IQSEC1: variants seen among roughly 807,000 people sequenced by gnomAD.
IQSEC1 encodes the protein IQ motif and SEC7 domain-containing protein 1.
Under a neutral mutation model 91.0 loss-of-function variants are expected in IQSEC1, and 31 were observed. The observed-to-expected ratio is 0.34, with a 90% CI of 0.26 to 0.46. The LOEUF (loss-of-function observed/expected upper bound fraction) is 0.46, where lower values mean the gene tolerates loss of function less well. IQSEC1 is among the 20% of genes least tolerant of loss of function. The pLI, the probability that IQSEC1 is intolerant of heterozygous loss-of-function variation, is 1.00. For missense variants in IQSEC1, 1,388 were observed against 1,575.6 expected (o/e 0.88, Z 2.02); for synonymous variants, 699 against 662.6 (o/e 1.05, Z -0.84).
Position 13,264,240 on chromosome 3 carries a change from C to G in IQSEC1, c.272+18471G>C, listed in dbSNP as rs1695444340. ...TTGTGTCTCCCGCCTGCCACACTGT[C>G]TGTCACAACTTCCCTCCAAACTTAA... On this transcript the variant is annotated intron_variant, in intron 1 of 15. Coordinates refer to the IQSEC1 transcript ENST00000648114. Among the ~76,000 whole-genome samples the G allele has an allele frequency of 2.0e-5, 3 of 152,336 alleles. 1 individual carries two copies. In the South Asian group the frequency reaches 6.2e-4, roughly 32 times the overall value.
Position 12,945,305 on chromosome 3 carries a change from G to A in IQSEC1, c.24-3440C>T, listed in dbSNP as rs556353652. On this transcript the variant is annotated intron_variant, in intron 1 of 13. Transcript: ENST00000613206. The stretch of plus-strand genomic sequence containing the variant: ...ACTCCTGGGTTCCTGGCTGCCCTGG[G>A]TCAGCAGGTCCAGAACATGCTTGGG... Among the ~76,000 whole-genome samples, 294 of 152,162 alleles carry A rather than the reference G, an allele frequency of 1.9e-3. 3 individuals carry two copies. The highest frequency in any genetic ancestry group is 6.8e-3 in the African/African-American group (281 of 41,528).
chr3:13,214,094 G>T lies in IQSEC1; in HGVS notation c.273-49961C>A, dbSNP rs768485348. On this transcript the variant is annotated intron_variant, in intron 1 of 15. Coordinates refer to the IQSEC1 transcript ENST00000648114. This position sits in a 1 kb window ranked among gnomAD's most constrained non-coding sequence, Gnocchi z 4.5. The stretch of plus-strand genomic sequence containing the variant: ...CTGTCCACTGTGCTCTGTCCACACG[G>T]CCCAGCCCCTCCTGGCCTTTGCTAT... 6.6e-6 allele frequency among the ~76,000 whole-genome samples: 1 copy of T among 152,088 alleles called. No homozygotes were observed. The highest frequency in any genetic ancestry group is 1.5e-5 in the Non-Finnish European group (1 of 68,012).
chr3:13,167,012 CGT>C (rs1693509855), intron 1 of IQSEC1, among the ~76,000 whole-genome samples: 1 of 152,160 alleles, frequency 6.6e-6, no homozygotes, highest in South Asian at 2.1e-4. Context: ...GATGCCTGTG[CGT>C]GTGTGCATGT....
At chr3:12,931,507 G>C (rs1251578479) in intron 3 of IQSEC1, among the ~76,000 whole-genome samples, 1 of 152,220 alleles carries the variant, frequency 6.6e-6, no homozygotes, top group Non-Finnish European at 1.5e-5. Context: ...CATGGGGCCT[G>C]GCGCTTGGTC....
intron 1 of IQSEC1, among the ~76,000 whole-genome samples, chr3:13,032,122 G>A (rs1703864678): frequency 6.6e-6 from 1 of 152,200 alleles, no homozygotes; most frequent in East Asian, 1.9e-4. Flanking sequence ...CTTTCCCCCT[G>A]TAATTGTTTG....
At chr3:13,117,351 C>T (rs1315923168) in intron 2 of IQSEC1, among the ~76,000 whole-genome samples, 13 of 149,890 alleles carry the variant, frequency 8.7e-5, no homozygotes, top group African/African-American at 2.5e-4. Context: ...CTTTGGGAGG[C>T]GGAGGCGGGC....
At position 12,915,212 on chromosome 3, in the gene IQSEC1, C is replaced by T. The variant is rs550736073; in HGVS notation, c.2161-79G>A. 1.0e-4 allele frequency: 149 copies of T among 1,432,948 alleles called. 1 individual carries two copies. The South Asian group carries it at 1.6e-3, about 15-fold the overall frequency. 88.8% of individuals were successfully genotyped at this position (1,432,948 alleles called of 1,614,324 possible). On this transcript the variant is annotated intron_variant, in intron 7 of 13. Transcript: ENST00000613206. The stretch of plus-strand genomic sequence containing the variant: ...CAGGCCAATGCTGCAAGTGCCCCTC[C>T]CTACACCTACCCTTGGGATCCACCC...
rs755351469 is a variant in IQSEC1, at chr3:12,913,428, C to T, written c.2316G>A (p.Val772=). 1 of 1,592,238 alleles carries T rather than the reference C, an allele frequency of 6.3e-7. No individual in the cohort carries two copies. The highest frequency in any genetic ancestry group is 8.6e-7 in the Non-Finnish European group (1 of 1,167,024). The part of the protein sequence containing the change: ...REIFLFNDLL[V]VTKIFQKKKN... ...AATGCCTTGTGGGTGAGCCACATACCACCAGGAGGTCGTTGAACAGGAAGA... is the reference window on the plus strand; with the variant it reads ...AATGCCTTGTGGGTGAGCCACATACTACCAGGAGGTCGTTGAACAGGAAGA... The change falls in exon 9 of 14, where the codon GTG becomes GTA. Residue 772 remains valine (V), a splice_region_variant and synonymous_variant. Transcript: ENST00000613206.
intron 1 of IQSEC1, among the ~76,000 whole-genome samples, chr3:13,271,911 A>G (rs563945332): frequency 3.3e-4 from 50 of 152,346 alleles, no homozygotes; most frequent in Middle Eastern, 6.8e-3. Context: ...AAGGAAATAT[A>G]AGACACAAAC....
At chr3:12,953,620 C>T (rs553637779) in intron 1 of IQSEC1, among the ~76,000 whole-genome samples, 131 of 152,322 alleles carry the variant, frequency 8.6e-4, no homozygotes, top group African/African-American at 3.0e-3. Flanking sequence ...GATGGGCAGA[C>T]GGCACGAGGA....
chr3:13,163,083 C>T (rs1260528109), intron 2 of IQSEC1, among the ~76,000 whole-genome samples: 1 of 152,134 alleles, frequency 6.6e-6, no homozygotes, highest in Non-Finnish European at 1.5e-5. Context: ...ACTCTGGTTC[C>T]CTGGAGCCCA....
At chr3:13,210,774 C>T (rs1288826761) in intron 1 of IQSEC1, among the ~76,000 whole-genome samples, 1 of 152,134 alleles carries the variant, frequency 6.6e-6, no homozygotes, top group Non-Finnish European at 1.5e-5. Flanking sequence ...GTGTTTCTCC[C>T]TGTGCCCACC....
At position 13,057,571 on chromosome 3, in the gene IQSEC1, C is replaced by A. The variant is rs564088446; in HGVS notation, c.23+15421G>T. Reference sequence around the variant, plus strand: ...CTCTTCCAGTGAGTGGCGGGGAACACCCCACTGTCCCCAGCCCTGGTCTTA... The same window carrying A: ...CTCTTCCAGTGAGTGGCGGGGAACAACCCACTGTCCCCAGCCCTGGTCTTA... On this transcript the variant is annotated intron_variant, in intron 1 of 13. Transcript: ENST00000613206. Among the ~76,000 whole-genome samples the A allele has an allele frequency of 4.6e-5, 7 of 152,318 alleles. No homozygotes were observed. The South Asian group carries it at 1.5e-3, about 32-fold the overall frequency.
In IQSEC1 at chr3:12,899,307, G is replaced by T. The variant is rs767138387; in HGVS notation, c.*1676C>A. The T allele has an allele frequency of 9.4e-6, 14 of 1,489,568 alleles. No homozygotes were observed. Among genetic ancestry groups the T allele is most frequent in the Non-Finnish European group, 1.3e-5 (14 of 1,084,506 alleles). 92.3% of individuals were successfully genotyped at this position (1,489,568 alleles called of 1,614,324 possible). On this transcript the variant is annotated 3_prime_UTR_variant, in exon 14 of 14. Transcript: ENST00000613206. ...CACTGGGAACGCGGCCCCGCGGCCCGCAGAGTCAGGCGTGAGCTTCGCCCT... is the reference window on the plus strand; with the variant it reads ...CACTGGGAACGCGGCCCCGCGGCCCTCAGAGTCAGGCGTGAGCTTCGCCCT...
chr3:13,280,758 C>T (rs530364660), intron 1 of IQSEC1, among the ~76,000 whole-genome samples: 3 of 152,328 alleles, frequency 2.0e-5, no homozygotes, highest in East Asian at 1.9e-4. Flanking sequence ...TCCTGGTGTA[C>T]ACATTCAAGT....
At chr3:13,155,600 G>T (rs1160988286) in intron 2 of IQSEC1, among the ~76,000 whole-genome samples, 1 of 152,162 alleles carries the variant, frequency 6.6e-6, no homozygotes, top group South Asian at 2.1e-4. Flanking sequence ...ACTTCAAGTA[G>T]GGAGTGCTTC....
At chr3:13,000,072 G>T (rs1053379665) in intron 1 of IQSEC1, among the ~76,000 whole-genome samples, 1 of 152,104 alleles carries the variant, frequency 6.6e-6, no homozygotes, top group Non-Finnish European at 1.5e-5. Flanking sequence ...ATATCATTGT[G>T]TATTAGCACA....
intron 1 of IQSEC1, among the ~76,000 whole-genome samples, chr3:12,990,011 G>A (rs887336702): frequency 6.6e-6 from 1 of 152,204 alleles, no homozygotes; most frequent in Non-Finnish European, 1.5e-5. Flanking sequence ...CAAACCCTCA[G>A]TCCACTTGGA....
At chr3:12,958,659 C>A (rs569057456) in intron 1 of IQSEC1, among the ~76,000 whole-genome samples, 5 of 152,252 alleles carry the variant, frequency 3.3e-5, no homozygotes, top group Non-Finnish European at 7.3e-5. Context: ...TCTGATTCCA[C>A]ACTAGCACCC....
Sources: allele counts gnomAD v4.1 joint callset (sites outside exome capture counted in the v4.1 genomes callset), GRCh38; gene constraint gnomAD v4.1.1; non-coding constraint Gnocchi (gnomAD v3.1); transcripts MANE v1.5; gene names NCBI Gene and HGNC (gene_info 2026-07-23, HGNC 2026-07-21).